The following CNIH3 variants were observed in gnomAD, a reference collection of about 807,000 sequenced individuals.
The protein encoded by CNIH3 is protein cornichon homolog 3.
A neutral mutation model predicts 24.1 loss-of-function variants in CNIH3; 14 were observed. The observed-to-expected ratio is 0.58, with a 90% confidence interval of 0.38 to 0.91. The LOEUF (loss-of-function observed/expected upper bound fraction) is 0.91, where lower values mean the gene tolerates loss of function less well. CNIH3 is among the 40% of genes least tolerant of loss of function. CNIH3 has a pLI of 0.00. For missense variants in CNIH3, 178 were observed against 196.8 expected, an observed-to-expected ratio of 0.90 and a Z score of 0.57; for synonymous variants, 68 against 73.8, an observed-to-expected ratio of 0.92 and a Z score of 0.40.
chr1:224,453,409 AAC>A (rs1675512346), intron 1 of CNIH3, among the ~76,000 whole-genome samples: 1 of 150,992 alleles, frequency 6.6e-6, no homozygotes, highest in South Asian at 2.1e-4. Context: ...GCTGGTCTTG[AAC>A]TCCTAGGCTC....
chr1:224,652,588 G>A (rs1558255665), intron 1 of CNIH3, among the ~76,000 whole-genome samples: 3 of 152,114 alleles, frequency 2.0e-5, no homozygotes, highest in Admixed American at 1.3e-4. Flanking sequence ...GTGGAGCGTC[G>A]GGCCCCTGAT....
At chr1:224,627,599 G>A (rs1474262846) in intron 1 of CNIH3, among the ~76,000 whole-genome samples, 2 of 152,176 alleles carry the variant, frequency 1.3e-5, no homozygotes, top group South Asian at 2.1e-4. Context: ...CAGGAGCCAC[G>A]TCTGGCTAGG....
chr1:224,542,223 T>G (rs1443900161), downstream of CNIH3, among the ~76,000 whole-genome samples: 1 of 152,224 alleles, frequency 6.6e-6, no homozygotes, highest in Non-Finnish European at 1.5e-5. Flanking sequence ...TTTTTCCTCC[T>G]TGGCTACTTA....
At chr1:224,659,427 G>C (rs1305120195) in intron 1 of CNIH3, among the ~76,000 whole-genome samples, 1 of 152,148 alleles carries the variant, frequency 6.6e-6, no homozygotes, top group Non-Finnish European at 1.5e-5. Context: ...ATGTAAATCT[G>C]CTTCTTAGGC....
At chr1:224,699,852 G>A (rs1202559122) in intron 3 of CNIH3, among the ~76,000 whole-genome samples, 2 of 152,178 alleles carry the variant, frequency 1.3e-5, no homozygotes, top group Non-Finnish European at 2.9e-5. Context: ...TGAGCTTTGG[G>A]TTGAATGAAG....
At chr1:224,657,769 A>G (rs1685168207) in intron 1 of CNIH3, among the ~76,000 whole-genome samples, 1 of 152,196 alleles carries the variant, frequency 6.6e-6, no homozygotes, top group Admixed American at 6.5e-5. Flanking sequence ...TCCCCTAAAG[A>G]AGCAAGTTTT....
At chr1:224,484,012 A>G (rs1676924125) in intron 1 of CNIH3, among the ~76,000 whole-genome samples, 1 of 152,004 alleles carries the variant, frequency 6.6e-6, no homozygotes, top group Admixed American at 6.6e-5. Context: ...CTCTACTAAA[A>G]ATACAAAAAT....
intron 3 of CNIH3, among the ~76,000 whole-genome samples, chr1:224,551,104 A>G (rs916267326): frequency 3.3e-5 from 5 of 151,924 alleles, no homozygotes; most frequent in Non-Finnish European, 7.4e-5. Flanking sequence ...AAATAGGAAC[A>G]CTTTTACACT....
At chr1:224,648,772 A>G in intron 1 of CNIH3, among the ~76,000 whole-genome samples, 1 of 152,180 alleles carries the variant, frequency 6.6e-6, no homozygotes. Flanking sequence ...CCTGCCCATC[A>G]GTAAGCAAGA....
intron 3 of CNIH3, among the ~76,000 whole-genome samples, chr1:224,692,287 G>C (rs1686969823): frequency 2.0e-5 from 3 of 152,186 alleles, no homozygotes; most frequent in African/African-American, 7.2e-5. Flanking sequence ...TCCTGGGACA[G>C]TGTAAGACCC....
intron 1 of CNIH3, among the ~76,000 whole-genome samples, chr1:224,495,295 G>A (rs959439982): frequency 6.6e-6 from 1 of 152,138 alleles, no homozygotes; most frequent in African/African-American, 2.4e-5. Flanking sequence ...AGAAGGAGAG[G>A]GTCCCAGGAC....
chr1:224,652,616 C>T (rs913976045), intron 1 of CNIH3, among the ~76,000 whole-genome samples: 8 of 152,038 alleles, frequency 5.3e-5, no homozygotes, highest in Non-Finnish European at 8.8e-5. Flanking sequence ...CCAGGTATGG[C>T]GAGCCAGTCC....
chr1:224,732,147 C>T (rs1331974425), intron 4 of CNIH3, among the ~76,000 whole-genome samples: 1 of 151,946 alleles, frequency 6.6e-6, no homozygotes, highest in Non-Finnish European at 1.5e-5. Context: ...GGTGGGAACT[C>T]CAGGTGGAGA....
At chr1:224,572,452 G>A (rs1310029656) in intron 4 of CNIH3, among the ~76,000 whole-genome samples, 1 of 151,378 alleles carries the variant, frequency 6.6e-6, no homozygotes, top group Non-Finnish European at 1.5e-5. Context: ...GGAGGTGGAG[G>A]TTTCAGTGAG....
intron 3 of CNIH3, among the ~76,000 whole-genome samples, chr1:224,689,867 G>A (rs571047922): frequency 1.6e-4 from 24 of 152,268 alleles, no homozygotes; most frequent in African/African-American, 5.3e-4. Context: ...TTTGTGGCAA[G>A]AGCCAGTTGC....
intron 3 of CNIH3, among the ~76,000 whole-genome samples, chr1:224,701,741 A>T (rs1687502143): frequency 6.6e-6 from 1 of 152,206 alleles, no homozygotes; most frequent in African/African-American, 2.4e-5. Context: ...CCTGGGATGT[A>T]GACATCGTTA....
chr1:224,482,495 G>A (rs184158434), intron 1 of CNIH3, among the ~76,000 whole-genome samples: 137 of 152,108 alleles, frequency 9.0e-4, no homozygotes, highest in Non-Finnish European at 1.3e-3. Context: ...TCAAGGTAGC[G>A]GGCTCCCTTC....
At chr1:224,532,251 G>A (rs1029704728) in intron 2 of CNIH3, among the ~76,000 whole-genome samples, 2 of 152,166 alleles carry the variant, frequency 1.3e-5, no homozygotes, top group Non-Finnish European at 2.9e-5. Context: ...AGAGTGCGAG[G>A]AACAGCACAG....
rs1003317970 is a variant in CNIH3, at chr1:224,719,781, A to G, written c.199-10681A>G. On this transcript the variant is annotated intron_variant, in intron 3 of 5. Coordinates refer to ENST00000272133, the MANE Select transcript of CNIH3 (RefSeq NM_152495.2). Reference sequence around the variant, plus strand: ...GTTTCTTGTTCCTTAATCTACTACTATTTTCACTAAGACACTGGCACTCAA... The same window carrying G: ...GTTTCTTGTTCCTTAATCTACTACTGTTTTCACTAAGACACTGGCACTCAA... Among the ~76,000 whole-genome samples the G allele has an allele frequency of 9.2e-5, 14 of 152,302 alleles. No homozygotes were observed. The East Asian group carries it at 2.7e-3, about 29-fold the overall frequency.
Sources: gnomAD v4.1 joint callset for allele counts (sites outside exome capture counted in the v4.1 genomes callset) on GRCh38, gnomAD v4.1.1 for gene constraint, MANE v1.5 for transcripts, NCBI Gene and HGNC (gene_info 2026-07-23, HGNC 2026-07-21) for gene names.